FAM13B: variants seen among roughly 807,000 people sequenced by gnomAD.
The protein encoded by FAM13B is family with sequence similarity 13 member B.
In FAM13B, 60 loss-of-function variants were observed where a neutral mutation model predicts 117.3. The observed-to-expected ratio is 0.51, with a 90% CI of 0.42 to 0.63. The LOEUF is 0.63. Among genes scored for constraint, FAM13B ranks in the 30% least tolerant of loss-of-function variants. The pLI is 0.00. For missense variants in FAM13B, 972 were observed against 1,091.9 expected (o/e 0.89, Z 1.55); for synonymous variants, 332 against 356.1 (o/e 0.93, Z 0.76).
At chr5:137,956,411 A>T in intron 14 of FAM13B, 66 bp downstream of exon 14, 2 of 1,148,628 alleles carry the variant, frequency 1.7e-6, no homozygotes, top group Non-Finnish European at 1.2e-6. Flanking sequence ...AGAAGGGCTT[A>T]ATAAAAAGAC....
At chr5:137,986,378 C>G (rs1259857052) in intron 9 of FAM13B, among the ~76,000 whole-genome samples, 1 of 148,616 alleles carries the variant, frequency 6.7e-6, no homozygotes, top group African/African-American at 2.5e-5. Context: ...TTTTTTTTTC[C>G]TTTACCTTCC....
chr5:137,957,382 A>G (rs1270418708), intron 13 of FAM13B, among the ~76,000 whole-genome samples: 1 of 152,044 alleles, frequency 6.6e-6, no homozygotes, highest in East Asian at 1.9e-4. Flanking sequence ...TCTCTACTAA[A>G]ATACAAAATT....
chr5:138,011,520 C>T (rs879522059), intron 5 of FAM13B, among the ~76,000 whole-genome samples: 43 of 151,990 alleles, frequency 2.8e-4, no homozygotes, highest in Non-Finnish European at 4.9e-4. Context: ...CCCGGGTTCA[C>T]GCCATTCTCC....
chr5:138,034,995 C>CGTTTTTTTTTTTTTTTT (rs1561555609), upstream of FAM13B, among the ~76,000 whole-genome samples: 1 of 34,364 alleles, frequency 2.9e-5, no homozygotes, highest in Non-Finnish European at 4.9e-5. Context: ...ATTCCCTTGC[C>CGTTTTTTTTTTTTTTTT]TTTTTTTTTT....
chr5:138,019,647 GTTC>G (rs777136098), intron 2 of FAM13B, among the ~76,000 whole-genome samples: 1 of 151,770 alleles, frequency 6.6e-6, no homozygotes, highest in Non-Finnish European at 1.5e-5. Flanking sequence ...AGATTAATGA[GTTC>G]TTATTTCTAC....
chr5:138,036,977 C>T (rs1392861868), upstream of FAM13B: 10 of 268,948 alleles, frequency 3.7e-5, no homozygotes, highest in Admixed American at 1.0e-4. Flanking sequence ...ACATCCTTTA[C>T]GGCACAGGAC....
upstream of FAM13B, among the ~76,000 whole-genome samples, chr5:138,037,850 TTAAAAG>T (rs1349724606): frequency 2.0e-5 from 3 of 152,144 alleles, no homozygotes; most frequent in South Asian, 2.1e-4. Flanking sequence ...ATTCTATCAC[TTAAAAG>T]TAAAATAGAT....
intron 10 of FAM13B, among the ~76,000 whole-genome samples, chr5:137,967,267 T>A (rs1366060247): frequency 6.6e-6 from 1 of 152,230 alleles, no homozygotes; most frequent in Non-Finnish European, 1.5e-5. Flanking sequence ...GGCTTATGCC[T>A]GTAATCCCAG....
intron 7 of FAM13B, among the ~76,000 whole-genome samples, chr5:137,993,189 AGGGAGGG>A: frequency 6.6e-6 from 1 of 152,330 alleles, no homozygotes; most frequent in Non-Finnish European, 1.5e-5. Flanking sequence ...TCACCTTAGT[AGGGAGGG>A]AGGGGATGAG....
At chr5:138,014,870 G>A (rs905696401) in intron 4 of FAM13B, among the ~76,000 whole-genome samples, 2 of 152,254 alleles carry the variant, frequency 1.3e-5, no homozygotes, top group South Asian at 4.1e-4. Context: ...ATACATACTT[G>A]CTTAAATTTC....
chr5:137,975,487 C>T (rs1023726228), intron 10 of FAM13B, among the ~76,000 whole-genome samples: 3 of 152,100 alleles, frequency 2.0e-5, no homozygotes, highest in Non-Finnish European at 4.4e-5. Context: ...TTCAGTTAGA[C>T]CTCCATTGGT....
At chr5:137,984,508 C>T (rs1199042966) in intron 10 of FAM13B, among the ~76,000 whole-genome samples, 1 of 152,134 alleles carries the variant, frequency 6.6e-6, no homozygotes, top group East Asian at 1.9e-4. Flanking sequence ...TCACTTCCCC[C>T]GAGTATCTCC....
At chr5:138,044,961 T>C (rs1413642173) in intron 1 of FAM13B, among the ~76,000 whole-genome samples, 1 of 152,216 alleles carries the variant, frequency 6.6e-6, no homozygotes, top group East Asian at 1.9e-4. Context: ...CTCGCCAGCA[T>C]GGCCAAAATT....
chr5:137,975,728 A>G (rs1773714034), intron 10 of FAM13B, among the ~76,000 whole-genome samples: 3 of 152,278 alleles, frequency 2.0e-5, no homozygotes, highest in Middle Eastern at 3.4e-3. Flanking sequence ...TCTCCTATTT[A>G]GGAATAGTCA....
intron 6 of FAM13B, among the ~76,000 whole-genome samples, chr5:138,008,829 G>T (rs1281817690): frequency 1.3e-5 from 2 of 152,118 alleles, no homozygotes; most frequent in African/African-American, 4.8e-5. Flanking sequence ...TAGTCAGATG[G>T]GTCACTAAAA....
chr5:137,959,885 G>C (rs764620785), intron 12 of FAM13B, 122 bp from the exon 13 acceptor site: 3 of 870,816 alleles, frequency 3.4e-6, no homozygotes, highest in Non-Finnish European at 5.3e-6. Context: ...ACAGCCAACT[G>C]TCCCACTCCC....
intron 1 of FAM13B, 133 bp from the exon 2 acceptor site, chr5:138,021,330 T>C (rs1374632853): frequency 4.2e-6 from 3 of 716,264 alleles, no homozygotes; most frequent in Non-Finnish European, 3.9e-6. Flanking sequence ...GAAAAATCTA[T>C]CTGTAACCTA....
At chr5:138,020,968 G>T in intron 2 of FAM13B, 63 bp downstream of exon 2, 1 of 1,118,584 alleles carries the variant, frequency 8.9e-7, no homozygotes. Context: ...CAGCTACAGG[G>T]GCAAGTTCCA....
chr5:137,962,299 A>G, intron 11 of FAM13B, 106 bp downstream of exon 11: 4 of 857,564 alleles, frequency 4.7e-6, no homozygotes, highest in Non-Finnish European at 7.4e-6. Context: ...AAGATTATCT[A>G]AACTATATAT....
Sources: allele counts gnomAD v4.1 joint callset (sites outside exome capture counted in the v4.1 genomes callset), GRCh38; gene constraint gnomAD v4.1.1; transcripts MANE v1.5; gene names NCBI Gene and HGNC (gene_info 2026-07-23, HGNC 2026-07-21).